ZNF676: variants seen among roughly 807,000 people sequenced by gnomAD.
ZNF676 encodes zinc finger protein 676.
ZNF676 carries 4 observed loss-of-function variants against 6.0 expected under a neutral mutation model. That is an observed-to-expected ratio of 0.67 (90% CI 0.33 to 1.53). The LOEUF (loss-of-function observed/expected upper bound fraction) is 1.53. Ranked by LOEUF, ZNF676 falls within the 40% of genes most tolerant of loss-of-function variation. The pLI, the probability that ZNF676 is intolerant of heterozygous loss-of-function variation, is 0.06. For synonymous variants in ZNF676, 198 were observed against 223.1 expected (o/e 0.89, Z 1.00); for missense variants, 644 against 679.7 (o/e 0.95, Z 0.58).
chr19:22,215,550 CT>C, intron 1 of ZNF676: 1 of 1,525,204 alleles, frequency 6.6e-7, no homozygotes, highest in Non-Finnish European at 9.0e-7. Flanking sequence ...TGCGGGTAGG[CT>C]TGAGTCCCGC....
At chr19:22,198,873 C>T (rs978515388), upstream of ZNF676, among the ~76,000 whole-genome samples, 1 of 152,052 alleles carries the variant, frequency 6.6e-6, no homozygotes, top group Non-Finnish European at 1.5e-5. Context: ...CCAAACAGAA[C>T]AGGTTCTTGG....
In ZNF676 at chr19:22,181,539, C is replaced by G. The variant is rs770321404; in HGVS notation, c.178G>C (p.Glu60Gln). The G allele has an allele frequency of 1.0e-5, 16 of 1,607,676 alleles. No individual in the cohort carries two copies. The highest frequency in any genetic ancestry group is 1.4e-5 in the Non-Finnish European group (16 of 1,177,242). The change falls in exon 3 of 3, where the codon GAA becomes CAA. Residue 60 changes from glutamate to glutamine, a missense_variant. Physicochemically the swap from Glu to Gln is conservative, Grantham distance 29. Transcript: ENST00000397121. ...SQEFWPEQGI[E>Q]DSFQKMILRR... ...AATATCATTTTTTGGAAAGAATCTTCTATGCCTTGCTCTGGCCAAAACTCT... is the reference window on the plus strand; with the variant it reads ...AATATCATTTTTTGGAAAGAATCTTGTATGCCTTGCTCTGGCCAAAACTCT...
the ZNF676 span, among the ~76,000 whole-genome samples, chr19:22,250,920 C>G: frequency 0.015 from 2,310 of 152,106 alleles, 21 homozygotes; most frequent in African/African-American, 0.051. Flanking sequence ...CCATGTTGAG[C>G]AGGCTGGTCT....
At chr19:22,252,476 C>T in the ZNF676 span, among the ~76,000 whole-genome samples, 3 of 150,172 alleles carry the variant, frequency 2.0e-5, no homozygotes, top group South Asian at 6.3e-4. Flanking sequence ...AGGCGCTGGG[C>T]CCAGAGATAC....
intron 2 of ZNF676, among the ~76,000 whole-genome samples, chr19:22,184,647 T>A (rs2023807216): frequency 6.6e-6 from 1 of 151,470 alleles, no homozygotes; most frequent in African/African-American, 2.4e-5. Flanking sequence ...AGCACAGCAG[T>A]CTAAGCTTGA....
chr19:22,248,343 C>A, the ZNF676 span, among the ~76,000 whole-genome samples: 3 of 152,304 alleles, frequency 2.0e-5, no homozygotes, highest in East Asian at 5.8e-4. Flanking sequence ...AATGGTTGAA[C>A]TAGTTTACAG....
chr19:22,214,101 G>T (rs1242559872), intron 1 of ZNF676, among the ~76,000 whole-genome samples: 1 of 152,186 alleles, frequency 6.6e-6, no homozygotes, highest in Non-Finnish European at 1.5e-5. Context: ...TAAGGGAGGG[G>T]AAACTGGCAT....
intron 1 of ZNF676, among the ~76,000 whole-genome samples, chr19:22,211,827 G>T (rs561822752): frequency 6.6e-6 from 1 of 151,990 alleles, no homozygotes; most frequent in Non-Finnish European, 1.5e-5. Context: ...TAGCCAAAAC[G>T]GAAGAAAAAA....
chr19:22,195,135 T>G (rs2023953457), intron 1 of ZNF676, among the ~76,000 whole-genome samples: 1 of 152,172 alleles, frequency 6.6e-6, no homozygotes, highest in East Asian at 1.9e-4. Flanking sequence ...CCCTGCAAAT[T>G]ACACCCTTTT....
chr19:22,232,758 A>G, the ZNF676 span, among the ~76,000 whole-genome samples: 1 of 152,088 alleles, frequency 6.6e-6, no homozygotes, highest in African/African-American at 2.4e-5. Flanking sequence ...AAACAATAAT[A>G]GAAAAAAAAA....
chr19:22,252,186 A>G, the ZNF676 span, among the ~76,000 whole-genome samples: 34,905 of 151,846 alleles, frequency 0.23, 4,267 homozygotes, highest in South Asian at 0.37. Context: ...CCTGAGATCA[A>G]GAGTTCAAGA....
At chr19:22,241,176 C>A in the ZNF676 span, among the ~76,000 whole-genome samples, 5 of 152,024 alleles carry the variant, frequency 3.3e-5, no homozygotes, top group South Asian at 8.3e-4. Flanking sequence ...GAAGTCAAAG[C>A]GCTCAGATTC....
chr19:22,184,059 A>T (rs2023797617), intron 2 of ZNF676, among the ~76,000 whole-genome samples: 1 of 152,180 alleles, frequency 6.6e-6, no homozygotes, highest in Non-Finnish European at 1.5e-5. Context: ...AAAATAGAGG[A>T]GGCTGGCAAG....
chr19:22,236,001 C>T, the ZNF676 span, among the ~76,000 whole-genome samples: 2 of 150,938 alleles, frequency 1.3e-5, no homozygotes, highest in Non-Finnish European at 2.9e-5. Context: ...CGATAATCCA[C>T]TGTCATTCTC....
intron 2 of ZNF676, among the ~76,000 whole-genome samples, chr19:22,182,856 T>C (rs1459100712): frequency 3.9e-5 from 6 of 152,028 alleles, no homozygotes; most frequent in Admixed American, 2.6e-4. Context: ...ACAAAAAAAT[T>C]GAATTTCTAG....
upstream of ZNF676, among the ~76,000 whole-genome samples, chr19:22,200,140 C>A (rs2024009388): frequency 6.6e-6 from 1 of 151,832 alleles, no homozygotes; most frequent in Non-Finnish European, 1.5e-5. Flanking sequence ...TTAAATCTTA[C>A]TTAAGTAAAC....
At position 22,202,068 on chromosome 19, in the gene ZNF676, C is replaced by T. The variant is rs557452124; in HGVS notation, c.4-5342G>A. Among the ~76,000 whole-genome samples the T allele has an allele frequency of 7.0e-4, 106 of 152,034 alleles. 1 individual carries two copies. Among genetic ancestry groups the T allele is most frequent in the Middle Eastern group, 3.4e-3 (1 of 294 alleles). On this transcript the variant is annotated intron_variant, in intron 1 of 3. Coordinates refer to the ZNF676 transcript ENST00000650058. The stretch of plus-strand genomic sequence containing the variant: ...TTTTTTTCTTTTCAATTCTCAAGAC[C>T]TAGATTTAGAATTTGGAGCTGCAAA...
chr19:22,200,373 G>C (rs1021959767), upstream of ZNF676, among the ~76,000 whole-genome samples: 4 of 151,854 alleles, frequency 2.6e-5, no homozygotes, highest in Admixed American at 2.0e-4. Context: ...ACAATATAAA[G>C]AAAGTGGCTC....
chr19:22,207,599 T>A (rs1599718286), intron 1 of ZNF676, among the ~76,000 whole-genome samples: 1 of 152,174 alleles, frequency 6.6e-6, no homozygotes, highest in East Asian at 1.9e-4. Flanking sequence ...ACAACTATTT[T>A]AAAATTCACA....
Sources: gnomAD v4.1 joint callset for allele counts (sites outside exome capture counted in the v4.1 genomes callset) on GRCh38, gnomAD v4.1.1 for gene constraint, MANE v1.5 for transcripts, NCBI Gene and HGNC (gene_info 2026-07-23, HGNC 2026-07-21) for gene names.